The following MAP3K15 variants were observed in gnomAD, a reference collection of about 807,000 sequenced individuals.
MAP3K15 encodes the protein MAPK/ERK kinase kinase 15.
MAP3K15 carries 124 observed loss-of-function variants against 99.5 expected under a neutral mutation model. The ratio of observed to expected loss-of-function variants is 1.25; its 90% CI spans 1.08 to 1.45. MAP3K15 has a LOEUF of 1.45. MAP3K15 is among the 40% of genes most tolerant of loss of function. The pLI is 0.00. For missense variants in MAP3K15, 1,242 were observed against 1,079.7 expected, an observed-to-expected ratio of 1.15 and a Z score of -2.11; for synonymous variants, 494 against 439.6, an observed-to-expected ratio of 1.12 and a Z score of -1.55.
chrX:19,374,743 T>A, intron 19 of MAP3K15, 83 bp from the exon 20 acceptor site: 1 of 883,010 alleles, frequency 1.1e-6, no homozygotes, highest in East Asian at 3.1e-5. Context: ...AAAGCTCCTG[T>A]ACACCTGACA....
intron 1 of MAP3K15, among the ~76,000 whole-genome samples, chrX:19,510,183 T>C (rs2064508225): frequency 8.9e-6 from 1 of 112,000 alleles, no homozygotes; most frequent in African/African-American, 3.2e-5. Flanking sequence ...CCATTCCTTC[T>C]GAAACTATTC....
Position 19,482,803 on chromosome X carries a change from C to T in MAP3K15, c.525+3679G>A, listed in dbSNP as rs145012674. On this transcript the variant is annotated intron_variant, in intron 3 of 28. Transcript: ENST00000338883. ...AAAAAAACAAAACAAAACCAGAACA[C>T]AAGAATATGAGCATCATCTGAAAAA... 5.4e-3 allele frequency among the ~76,000 whole-genome samples: 606 copies of T among 111,716 alleles called. 3 individuals are homozygous for T. The highest frequency in any genetic ancestry group is 0.018 in the African/African-American group (561 of 30,728).
Position 19,400,562 on chromosome X carries a change from C to T in MAP3K15, c.1932+14G>A, listed in dbSNP as rs200323643. On this transcript the variant is annotated intron_variant, in intron 14 of 28. Coordinates refer to ENST00000338883, the MANE Select transcript of MAP3K15 (RefSeq NM_001001671.4). ...AATCAATGTTTTCCATATTCTAGAT[C>T]GTCCATGACTCACCTCCAAGGTGTC... The T allele has an allele frequency of 8.8e-5, 99 of 1,130,695 alleles. No homozygotes were observed. The highest frequency in any genetic ancestry group is 2.4e-4 in the Middle Eastern group (1 of 4,141). 93.2% of individuals were successfully genotyped at this position (1,130,695 alleles called of 1,213,427 possible).
chrX:19,454,498 G>A (rs1488751103), intron 6 of MAP3K15, among the ~76,000 whole-genome samples: 1 of 111,795 alleles, frequency 8.9e-6, no homozygotes, highest in Non-Finnish European at 1.9e-5. Context: ...GCTTCTGAAC[G>A]CAGTGGAGTG....
At chrX:19,417,117 G>C (rs2063742405) in intron 9 of MAP3K15, among the ~76,000 whole-genome samples, 1 of 111,964 alleles carries the variant, frequency 8.9e-6, no homozygotes, top group South Asian at 3.7e-4. Flanking sequence ...CCCAGCATGA[G>C]CGATGCAGAA....
intron 3 of MAP3K15, among the ~76,000 whole-genome samples, chrX:19,475,373 G>A (rs944623285): frequency 2.9e-4 from 32 of 111,264 alleles, no homozygotes; most frequent in East Asian, 2.8e-3. Context: ...AGCTTTCCTC[G>A]CTCGCTGCTC....
At chrX:19,482,686 C>A (rs745335970) in intron 3 of MAP3K15, among the ~76,000 whole-genome samples, 4 of 111,839 alleles carry the variant, frequency 3.6e-5, no homozygotes, top group African/African-American at 1.3e-4. Flanking sequence ...ACTGGCTGCA[C>A]AATTATGTCA....
At chrX:19,445,367 GA>G (rs1378587232) in intron 6 of MAP3K15, among the ~76,000 whole-genome samples, 1 of 109,507 alleles carries the variant, frequency 9.1e-6, no homozygotes, top group Non-Finnish European at 1.9e-5. Context: ...GAGGTGGGTG[GA>G]TCACTTGAAG....
At chrX:19,412,593 A>T (rs2063697802) in intron 11 of MAP3K15, among the ~76,000 whole-genome samples, 1 of 111,338 alleles carries the variant, frequency 9.0e-6, no homozygotes, top group South Asian at 3.8e-4. Flanking sequence ...GGCTGAAGAG[A>T]AAGAGGAAGG....
At chrX:19,400,954 T>C (rs1474584105) in intron 13 of MAP3K15, among the ~76,000 whole-genome samples, 1 of 111,402 alleles carries the variant, frequency 9.0e-6, no homozygotes, top group Non-Finnish European at 1.9e-5. Flanking sequence ...AGACAGCTCA[T>C]TCTTGGAAGA....
In MAP3K15 at chrX:19,470,658, C is replaced by T. The variant is rs189379053; in HGVS notation, c.526-6252G>A. 2.5e-3 allele frequency among the ~76,000 whole-genome samples: 283 copies of T among 111,078 alleles called. 1 individual carries two copies. Among genetic ancestry groups the T allele is most frequent in the African/African-American group, 8.4e-3 (258 of 30,589 alleles). ...CAAGTAAACAACAAAAACAACATGC[C>T]CCGGAGGCAGAAGGGAGAAAGATCA... is the stretch of plus-strand genomic sequence containing the variant. On this transcript the variant is annotated intron_variant, in intron 3 of 28. Transcript: ENST00000338883.
At chrX:19,457,081 G>T in intron 5 of MAP3K15, 62 bp from the exon 6 acceptor site, 1 of 847,952 alleles carries the variant, frequency 1.2e-6, no homozygotes, top group South Asian at 2.2e-5. Flanking sequence ...TGATTTTTCT[G>T]AATTGTTATA....
intron 18 of MAP3K15, among the ~76,000 whole-genome samples, chrX:19,384,749 GAAAAAAAAAAAAAA>G (rs34619145): frequency 8.4e-4 from 19 of 22,556 alleles, no homozygotes; most frequent in Middle Eastern, 0.031. Flanking sequence ...TGTCTCAGGG[GAAAAAAAAAAAAAA>G]AAAAAAAAAA....
chrX:19,498,265 C>T (rs2064419656), intron 1 of MAP3K15, among the ~76,000 whole-genome samples: 1 of 110,897 alleles, frequency 9.0e-6, no homozygotes, highest in African/African-American at 3.3e-5. Context: ...TTTCATTCTA[C>T]ACTGGGGTTC....
At chrX:19,372,539 A>G in intron 22 of MAP3K15, 114 bp downstream of exon 22, 2 of 634,568 alleles carry the variant, frequency 3.2e-6, no homozygotes, top group South Asian at 6.5e-5. Context: ...TGATCACCGT[A>G]ACTATGCAGA....
At chrX:19,366,305 G>A (rs1203090681) in intron 25 of MAP3K15, among the ~76,000 whole-genome samples, 2 of 111,495 alleles carry the variant, frequency 1.8e-5, no homozygotes, top group East Asian at 2.8e-4. Flanking sequence ...TATCCAGTGG[G>A]AAGGACTCTC....
chrX:19,437,112 T>C (rs1392896509), intron 6 of MAP3K15, among the ~76,000 whole-genome samples: 1 of 112,028 alleles, frequency 8.9e-6, no homozygotes, highest in Non-Finnish European at 1.9e-5. Context: ...TAACACCATT[T>C]ATTGGACCAG....
chrX:19,410,572 G>GC lies in MAP3K15; in HGVS notation c.1699-600dup, dbSNP rs1210332412. Reference sequence around the variant, plus strand: ...TTCCCCATCCACTGCAAGATGGAATGCCCCCCACCGCCACCCTCTGCAACC... The same window carrying GC: ...TTCCCCATCCACTGCAAGATGGAATGCCCCCCCACCGCCACCCTCTGCAACC... On this transcript the variant is annotated intron_variant, in intron 11 of 28. Transcript: ENST00000338883. Among the ~76,000 whole-genome samples the GC allele has an allele frequency of 2.7e-5, 3 of 111,761 alleles. No individual in the cohort carries two copies. The East Asian group carries it at 8.4e-4, about 31-fold the overall frequency.
At chrX:19,511,504 A>G (rs903808529) in intron 1 of MAP3K15, among the ~76,000 whole-genome samples, 2 of 112,235 alleles carry the variant, frequency 1.8e-5, no homozygotes, top group African/African-American at 6.5e-5. Context: ...AAAGTGAGCA[A>G]AGGATATGAA....
Sources: allele counts gnomAD v4.1 joint callset (sites outside exome capture counted in the v4.1 genomes callset), GRCh38; gene constraint gnomAD v4.1.1; transcripts MANE v1.5; gene names NCBI Gene and HGNC (gene_info 2026-07-23, HGNC 2026-07-21).